The following MAP2K4 variants were observed in gnomAD, a reference collection of about 807,000 sequenced individuals.
MAP2K4 encodes dual specificity mitogen-activated protein kinase kinase 4.
In MAP2K4, 4 loss-of-function variants were observed where a neutral mutation model predicts 48.5. The observed-to-expected ratio is 0.08, with a 90% CI of 0.04 to 0.19. The LOEUF (loss-of-function observed/expected upper bound fraction) is 0.19. MAP2K4 is among the 10% of genes least tolerant of loss of function. MAP2K4 has a pLI of 1.00. For synonymous variants in MAP2K4, 166 were observed against 173.1 expected (o/e 0.96, Z 0.32); for missense variants, 258 against 493.3 (o/e 0.52, Z 4.52).
chr17:12,068,356 C>T (rs956413349), intron 2 of MAP2K4, among the ~76,000 whole-genome samples: 5 of 151,952 alleles, frequency 3.3e-5, no homozygotes, highest in African/African-American at 9.7e-5. Flanking sequence ...TTCTGGCTGC[C>T]GTGTGGACTA....
chr17:12,021,302 C>G (rs1199523649), intron 1 of MAP2K4: 1 of 198,082 alleles, frequency 5.0e-6, no homozygotes. Flanking sequence ...CGCGGCCGTC[C>G]CCATCGCCCC....
At chr17:12,128,576 C>T (rs1014083443) in intron 8 of MAP2K4, among the ~76,000 whole-genome samples, 2 of 152,138 alleles carry the variant, frequency 1.3e-5, no homozygotes, top group African/African-American at 4.8e-5. Context: ...GGGTTTGACC[C>T]TGACTTGATT....
chr17:12,087,920 G>T (rs1407815990), intron 3 of MAP2K4, among the ~76,000 whole-genome samples: 1 of 151,920 alleles, frequency 6.6e-6, no homozygotes, highest in South Asian at 2.1e-4. Flanking sequence ...AGATATCATG[G>T]CCATTTTCGT....
At chr17:12,093,553 C>G (rs914440733) in intron 3 of MAP2K4, among the ~76,000 whole-genome samples, 3 of 152,132 alleles carry the variant, frequency 2.0e-5, no homozygotes, top group African/African-American at 7.2e-5. Flanking sequence ...TAGCATACCA[C>G]ACAACCAGTT....
rs143074753 is a variant in MAP2K4 at position 12,087,307 on chromosome 17, G to A, written c.393+5777G>A. Among the ~76,000 whole-genome samples, 554 of 152,108 alleles carry A rather than the reference G, an allele frequency of 3.6e-3. 4 individuals are homozygous for A. Among genetic ancestry groups the A allele is most frequent in the African/African-American group, 0.013 (522 of 41,480 alleles). ...TCTATTGTTACCTCACTTTATTGTCGTAAGTACTGAAATGATGATCTGTCA... is the reference window on the plus strand; with the variant it reads ...TCTATTGTTACCTCACTTTATTGTCATAAGTACTGAAATGATGATCTGTCA... On this transcript the variant is annotated intron_variant, in intron 3 of 10. Coordinates refer to ENST00000353533, the MANE Select transcript of MAP2K4 (RefSeq NM_003010.4).
intron 3 of MAP2K4, among the ~76,000 whole-genome samples, chr17:12,085,645 T>C (rs907944531): frequency 1.3e-5 from 2 of 152,110 alleles, no homozygotes; most frequent in Non-Finnish European, 2.9e-5. Context: ...TTTTGATTCC[T>C]GCAATCCTGC....
intron 9 of MAP2K4, among the ~76,000 whole-genome samples, chr17:12,132,470 A>G (rs577733294): frequency 1.3e-5 from 2 of 152,340 alleles, no homozygotes; most frequent in Admixed American, 6.5e-5. Flanking sequence ...GACAGAAAGC[A>G]GTATGTATGG....
At chr17:12,067,106 G>A (rs547121035) in intron 2 of MAP2K4, among the ~76,000 whole-genome samples, 5 of 152,300 alleles carry the variant, frequency 3.3e-5, no homozygotes, top group Admixed American at 3.3e-4. Flanking sequence ...ACAGGGGTGA[G>A]CCACTGTGCC....
intron 3 of MAP2K4, among the ~76,000 whole-genome samples, chr17:12,082,764 T>C (rs1241935843): frequency 2.0e-5 from 3 of 152,210 alleles, no homozygotes; most frequent in East Asian, 3.8e-4. Context: ...TGGTGAGAAC[T>C]ATAGACTTTT....
chr17:12,033,753 C>T (rs553283211), intron 1 of MAP2K4, among the ~76,000 whole-genome samples: 3 of 152,116 alleles, frequency 2.0e-5, no homozygotes, highest in African/African-American at 4.8e-5. Context: ...AGCATGACAA[C>T]GTTTAGCTTT....
chr17:12,131,234 C>CTTTTT (rs11307653), intron 9 of MAP2K4, among the ~76,000 whole-genome samples: 2 of 130,918 alleles, frequency 1.5e-5, no homozygotes, highest in African/African-American at 2.8e-5. Context: ...GGTCACATTT[C>CTTTTT]TTTTTTTTTT....
In MAP2K4 at chr17:12,090,472, A is replaced by G. The variant is rs115734611; in HGVS notation, c.394-5103A>G. Among the ~76,000 whole-genome samples, 695 of 152,272 alleles carry G rather than the reference A, an allele frequency of 4.6e-3. 10 individuals are homozygous for G. The highest frequency in any genetic ancestry group is 0.016 in the African/African-American group (664 of 41,554). On this transcript the variant is annotated intron_variant, in intron 3 of 10. Transcript: ENST00000353533. Reference sequence around the variant, plus strand: ...GGTATTTATTGAGCATCTAGGCACAATGCTACTTGGTGACCTGCTTCTTAG... The same window carrying G: ...GGTATTTATTGAGCATCTAGGCACAGTGCTACTTGGTGACCTGCTTCTTAG...
chr17:12,038,280 A>G (rs754911886), intron 1 of MAP2K4, among the ~76,000 whole-genome samples: 2 of 152,122 alleles, frequency 1.3e-5, no homozygotes, highest in Non-Finnish European at 2.9e-5. Context: ...TTGTCACTAC[A>G]TGGTTTTATG....
In MAP2K4 at chr17:12,081,158, T is replaced by C. The variant is rs978399095; in HGVS notation, c.219-198T>C. ...ATGAATCCCGTTGAAGCTGTGTCTA[T>C]TGACTACCTAAATCTAGATCATTCT... is the stretch of plus-strand genomic sequence containing the variant. On this transcript the variant is annotated intron_variant, in intron 2 of 10. Coordinates refer to ENST00000353533, the MANE Select transcript of MAP2K4 (RefSeq NM_003010.4). The surrounding 1 kb of genome is among the most constrained non-coding windows in gnomAD (Gnocchi z 4.2). 5.3e-5 allele frequency among the ~76,000 whole-genome samples: 8 copies of C among 152,196 alleles called. No homozygotes were observed. Among genetic ancestry groups the C allele is most frequent in the African/African-American group, 1.9e-4 (8 of 41,438 alleles).
intron 2 of MAP2K4, among the ~76,000 whole-genome samples, chr17:12,061,066 A>G (rs1970436649): frequency 6.6e-6 from 1 of 152,186 alleles, no homozygotes; most frequent in African/African-American, 2.4e-5. Flanking sequence ...GTGGAATCAT[A>G]ACAATATTTA....
intron 9 of MAP2K4, among the ~76,000 whole-genome samples, chr17:12,136,741 A>G (rs936013439): frequency 2.0e-5 from 3 of 152,166 alleles, no homozygotes; most frequent in Non-Finnish European, 4.4e-5. Context: ...CACTGACATA[A>G]TTTTCTGCTC....
intron 3 of MAP2K4, 125 bp from the exon 4 acceptor site, chr17:12,095,449 TG>T: frequency 1.1e-6 from 1 of 921,506 alleles, no homozygotes; most frequent in Non-Finnish European, 1.7e-6. Flanking sequence ...TTTTCATATC[TG>T]GTATTTGTGA....
At chr17:12,043,898 C>T (rs907824358) in intron 1 of MAP2K4, among the ~76,000 whole-genome samples, 2 of 152,048 alleles carry the variant, frequency 1.3e-5, no homozygotes, top group South Asian at 4.1e-4. Flanking sequence ...GTCCTTTTCA[C>T]CTTCCTGGAG....
At chr17:12,066,266 G>A (rs1970614298) in intron 2 of MAP2K4, among the ~76,000 whole-genome samples, 2 of 151,514 alleles carry the variant, frequency 1.3e-5, no homozygotes, top group Non-Finnish European at 2.9e-5. Flanking sequence ...GAATTCAGTT[G>A]GTGCAGAAAG....
Sources: allele counts gnomAD v4.1 joint callset (sites outside exome capture counted in the v4.1 genomes callset), GRCh38; gene constraint gnomAD v4.1.1; non-coding constraint Gnocchi (gnomAD v3.1); transcripts MANE v1.5; gene names NCBI Gene and HGNC (gene_info 2026-07-23, HGNC 2026-07-21).